DYRK3: variants seen among roughly 807,000 people sequenced by gnomAD.
The protein encoded by DYRK3 is dual specificity tyrosine-phosphorylation-regulated kinase 3.
In DYRK3, 30 loss-of-function variants were observed where a neutral mutation model predicts 40.8. The ratio of observed to expected loss-of-function variants is 0.74; its 90% CI spans 0.55 to 1.00. The LOEUF is 1.00. Ranked by LOEUF, DYRK3 falls within the 50% of genes least tolerant of loss-of-function variation. The pLI, the probability that DYRK3 is intolerant of heterozygous loss-of-function variation, is 0.00. For missense variants in DYRK3, 699 were observed against 731.5 expected (o/e 0.96, Z 0.51); for synonymous variants, 272 against 260.7 (o/e 1.04, Z -0.42).
rs889687056 is a variant in DYRK3, at chr1:206,635,667, C to T, written c.-37C>T. 8.0e-7 allele frequency: 1 copy of T among 1,245,362 alleles called. No individual in the cohort carries two copies. The highest frequency in any genetic ancestry group is 1.6e-5 in the African/African-American group (1 of 64,460). The allele number at this position is 1,245,362 out of a possible 1,614,324, so 77.1% of individuals were successfully genotyped here. ...GTGGCGTGGCCGACCGGACCCCCAA[C>T]TGGCGCCTCTCCCCGCGCGGGGTCC... On this transcript the variant is annotated 5_prime_UTR_variant, in exon 1 of 3. Coordinates refer to ENST00000367109, the MANE Select transcript of DYRK3 (RefSeq NM_003582.4).
Position 206,649,257 on chromosome 1 carries a change from CTT to C in DYRK3, c.*294_*295del, listed in dbSNP as rs1671566555. On this transcript the variant is annotated 3_prime_UTR_variant, in exon 3 of 3. Coordinates refer to ENST00000367109, the MANE Select transcript of DYRK3 (RefSeq NM_003582.4). ...TGTATTATACTATTGGTTTAAATCT[CTT>C]TCTCTCAAGATAGAAGGTGTAGCAA... is the stretch of plus-strand genomic sequence containing the variant. 3.4e-6 allele frequency: 1 copy of C among 290,590 alleles called. No individual in the cohort carries two copies. The highest frequency in any genetic ancestry group is 2.2e-5 in the African/African-American group (1 of 45,084). 18.0% of individuals were successfully genotyped at this position (290,590 alleles called of 1,614,324 possible). A position where few individuals can be genotyped will look rare whatever the true frequency, so the allele number is the denominator to read the frequency against.
intron 2 of DYRK3, among the ~76,000 whole-genome samples, chr1:206,645,277 A>C (rs1558557606): frequency 6.6e-6 from 1 of 152,106 alleles, no homozygotes; most frequent in African/African-American, 2.4e-5. Context: ...ACATTTTTAG[A>C]GATTATAACT....
chr1:206,648,324 A>G lies in DYRK3; in HGVS notation c.1126A>G (p.Arg376Gly). The G allele has an allele frequency of 6.2e-7, 1 of 1,614,196 alleles. No homozygotes were observed. Among genetic ancestry groups the G allele is most frequent in the Non-Finnish European group, 8.5e-7 (1 of 1,180,034 alleles). ...LYTYIQSRFY[R>G]APEIILGSRY... Reference sequence around the variant, plus strand: ...CACATATATCCAGTCTCGGTTCTACAGAGCTCCAGAAATCATCTTAGGAAG... The same window carrying G: ...CACATATATCCAGTCTCGGTTCTACGGAGCTCCAGAAATCATCTTAGGAAG... The change falls in exon 3 of 3, where the codon AGA (arginine) becomes GGA (glycine). Residue 376 changes from arginine (R) to glycine (G), a missense_variant. Coordinates refer to ENST00000367109, the MANE Select transcript of DYRK3 (RefSeq NM_003582.4).
chr1:206,648,086 T>C lies in DYRK3; in HGVS notation c.888T>C (p.Tyr296=), dbSNP rs1572450970. The change falls in exon 3 of 3, where the codon TAT becomes TAC. Residue 296 remains tyrosine (Y), a synonymous_variant. Coordinates refer to ENST00000367109, the MANE Select transcript of DYRK3 (RefSeq NM_003582.4). ...TTGAATTGCTGAGCATAGACCTTTA[T>C]GAGCTGATTAAAAAAAATAAGTTTC... The part of the protein sequence containing the change: ...MAFELLSIDL[Y]ELIKKNKFQG... 1 of 1,614,024 alleles carries C rather than the reference T, an allele frequency of 6.2e-7. No individual in the cohort carries two copies. The highest frequency in any genetic ancestry group is 1.1e-5 in the South Asian group (1 of 91,074).
Position 206,648,685 on chromosome 1 carries a change from T to A in DYRK3, c.1487T>A (p.Ile496Lys), listed in dbSNP as rs201089459. Residue 496 changes from isoleucine (I) to lysine (K), a missense_variant, in exon 3 of 3, where the codon ATA (isoleucine) becomes AAA (lysine). Ile to Lys is a moderately radical substitution (Grantham distance 102). Transcript: ENST00000367109. The stretch of plus-strand genomic sequence containing the variant: ...AAAGGGTGTGATGACTACTTGTTTA[T>A]AGAGTTCTTGAAAAGGTGTCTTCAC... ...ALKGCDDYLFIEFLKRCLHWD... is the reference protein window; with the variant it reads ...ALKGCDDYLFKEFLKRCLHWD... The A allele has an allele frequency of 6.2e-7, 1 of 1,614,054 alleles. No homozygotes were observed. The highest frequency in any genetic ancestry group is 8.5e-7 in the Non-Finnish European group (1 of 1,179,958).
chr1:206,636,222 C>G (rs543045157), intron 1 of DYRK3: 2 of 508,990 alleles, frequency 3.9e-6, no homozygotes, highest in African/African-American at 3.9e-5. Flanking sequence ...TTCGAATGTA[C>G]AGGTTATGGG....
intron 1 of DYRK3, chr1:206,636,852 C>T: frequency 1.3e-6 from 2 of 1,514,660 alleles, no homozygotes. Flanking sequence ...TAAATCCTCT[C>T]CGTCTTTTGT....
At chr1:206,636,060 G>T (rs1671097863) in intron 1 of DYRK3, 1 of 1,537,620 alleles carries the variant, frequency 6.5e-7, no homozygotes, top group Non-Finnish European at 8.7e-7. Flanking sequence ...CGGGGTATAT[G>T]TTAAGGGATT....
Position 206,647,675 on chromosome 1 carries a change from A to G in DYRK3, c.477A>G (p.Lys159=), listed in dbSNP as rs1671495085. 6.2e-7 allele frequency: 1 copy of G among 1,614,068 alleles called. No individual in the cohort carries two copies. Among genetic ancestry groups the G allele is most frequent in the African/African-American group, 1.3e-5 (1 of 74,926 alleles). Residue 159 remains lysine, a synonymous_variant, in exon 3 of 3, where the codon AAA becomes AAG. Coordinates refer to ENST00000367109, the MANE Select transcript of DYRK3 (RefSeq NM_003582.4). ...AACACCACCTCACTGCCTATGAGAA[A>G]CTGGAAATAATTAATTATCCAGAAA... The part of the protein sequence containing the change: ...QYKHHLTAYE[K]LEIINYPEIY...
In DYRK3 at chr1:206,653,244, C is replaced by T. The variant is rs1243153674; in HGVS notation, c.*4279C>T. ...TGTTGCTCGGGCTGGTCTTGAACTC[C>T]TGGGCTCAAGTGATCCATGTGCCTT... On this transcript the variant is annotated 3_prime_UTR_variant, in exon 3 of 3. Transcript: ENST00000367109. Among the ~76,000 whole-genome samples, 5 of 152,142 alleles carry T rather than the reference C, an allele frequency of 3.3e-5. No homozygotes were observed. Among genetic ancestry groups the T allele is most frequent in the African/African-American group, 9.7e-5 (4 of 41,418 alleles).
intron 1 of DYRK3, chr1:206,637,031 AT>A (rs1270705840): frequency 3.2e-6 from 4 of 1,266,006 alleles, no homozygotes; most frequent in African/African-American, 2.9e-5. Flanking sequence ...TACTTACTGT[AT>A]TTTTCTGCAG....
rs2102343362 is a variant in DYRK3, at chr1:206,647,956, A to C, written c.758A>C (p.Glu253Ala). Residue 253 changes from glutamate to alanine, a missense_variant, in exon 3 of 3, where the codon GAG becomes GCG. Coordinates refer to ENST00000367109, the MANE Select transcript of DYRK3 (RefSeq NM_003582.4). ...CGCTTTCATCGTCAAGCAGCTGAGG[A>C]GATCCGGATTTTGGAGCATCTTAAG... ...EKRFHRQAAE[E>A]IRILEHLKKQ... 6.2e-7 allele frequency: 1 copy of C among 1,614,164 alleles called. No homozygotes were observed. The highest frequency in any genetic ancestry group is 1.1e-5 in the South Asian group (1 of 91,070).
At chr1:206,646,118 G>A (rs1254606786) in intron 2 of DYRK3, among the ~76,000 whole-genome samples, 2 of 152,192 alleles carry the variant, frequency 1.3e-5, no homozygotes, top group East Asian at 3.9e-4. Flanking sequence ...CCAGAGTGCT[G>A]GGATTACAGG....
chr1:206,647,292 G>T lies in DYRK3; in HGVS notation c.190-96G>T, dbSNP rs782375780. On this transcript the variant is annotated intron_variant, in intron 2 of 2. Transcript: ENST00000367109. Reference sequence around the variant, plus strand: ...GTCATTTTAACCTTAAAGTAAACATGACTGGACATGTTTTGTTGTTATTCA... The same window carrying T: ...GTCATTTTAACCTTAAAGTAAACATTACTGGACATGTTTTGTTGTTATTCA... The T allele has an allele frequency of 1.3e-5, 17 of 1,260,620 alleles. No homozygotes were observed. The East Asian group carries it at 3.8e-4, about 28-fold the overall frequency. 78.1% of individuals were successfully genotyped at this position (1,260,620 alleles called of 1,614,324 possible).
In DYRK3 at chr1:206,648,176, C is replaced by T; in HGVS notation, c.978C>T (p.Leu326=). The T allele has an allele frequency of 6.2e-7, 1 of 1,614,130 alleles. No homozygotes were observed. Among genetic ancestry groups the T allele is most frequent in the Non-Finnish European group, 8.5e-7 (1 of 1,180,012 alleles). ...AQSILQSLDA[L]HKNKIIHCDL... ...CCATCTTGCAATCTTTGGATGCCCT[C>T]CACAAAAATAAGATTATTCACTGCG... The change falls in exon 3 of 3, where the codon CTC becomes CTT. Residue 326 remains leucine (L), a synonymous_variant. Coordinates refer to ENST00000367109, the MANE Select transcript of DYRK3 (RefSeq NM_003582.4).
intron 2 of DYRK3, 45 bp from the exon 3 acceptor site, chr1:206,647,343 C>G (rs1671483079): frequency 6.6e-7 from 1 of 1,511,570 alleles, no homozygotes; most frequent in East Asian, 2.3e-5. Flanking sequence ...ATTCTTCCAT[C>G]TTTCTAATGT....
chr1:206,639,628 AT>A (rs1251746605), intron 2 of DYRK3, among the ~76,000 whole-genome samples: 2 of 151,738 alleles, frequency 1.3e-5, no homozygotes, highest in Non-Finnish European at 2.9e-5. Flanking sequence ...TGCCTGGCTA[AT>A]TTTTGTATTT....
Position 206,647,809 on chromosome 1 carries a change from A to G in DYRK3, c.611A>G (p.His204Arg), listed in dbSNP as rs1353319223. The G allele has an allele frequency of 2.5e-6, 4 of 1,614,068 alleles. No homozygotes were observed. Among genetic ancestry groups the G allele is most frequent in the Non-Finnish European group, 8.5e-7 (1 of 1,180,034 alleles). The change falls in exon 3 of 3, where the codon CAT becomes CGT. Residue 204 changes from histidine (H) to arginine (R), a missense_variant. Physicochemically the swap from His to Arg is conservative, Grantham distance 29 (BLOSUM62 0). Transcript: ENST00000367109. The stretch of plus-strand genomic sequence containing the variant: ...GCCTATATTCATGTACCTCGAGACC[A>G]TCTAGCTTATCGATATGAGGTGCTG... ...DGAYIHVPRD[H>R]LAYRYEVLKI...
chr1:206,642,403 A>G (rs1260657701), intron 2 of DYRK3, among the ~76,000 whole-genome samples: 2 of 152,130 alleles, frequency 1.3e-5, no homozygotes, highest in Non-Finnish European at 2.9e-5. Context: ...TAGAAATACC[A>G]TTTGACCCAG....
Sources: allele counts gnomAD v4.1 joint callset (sites outside exome capture counted in the v4.1 genomes callset), GRCh38; gene constraint gnomAD v4.1.1; transcripts MANE v1.5; gene names NCBI Gene and HGNC (gene_info 2026-07-23, HGNC 2026-07-21).